The following ADAMTS6 variants were observed in gnomAD, a reference collection of about 807,000 sequenced individuals.
ADAMTS6 encodes the protein ADAM metallopeptidase with thrombospondin type 1 motif 6, also known as A disintegrin and metalloproteinase with thrombospondin motifs 6.
A neutral mutation model predicts 144.3 loss-of-function variants in ADAMTS6; 23 were observed. The ratio of observed to expected loss-of-function variants is 0.16; its 90% CI spans 0.11 to 0.23. The LOEUF (loss-of-function observed/expected upper bound fraction) is 0.23, where lower values mean the gene tolerates loss of function less well. Among genes scored for constraint, ADAMTS6 ranks in the 10% least tolerant of loss-of-function variants. The pLI, the probability that ADAMTS6 is intolerant of heterozygous loss-of-function variation, is 1.00. For synonymous variants in ADAMTS6, 444 were observed against 457.5 expected (o/e 0.97, Z 0.38); for missense variants, 999 against 1,379.6 (o/e 0.72, Z 4.37).
intron 1 of ADAMTS6, among the ~76,000 whole-genome samples, chr5:65,476,971 A>T (rs1760885864): frequency 6.6e-6 from 1 of 152,336 alleles, no homozygotes; most frequent in South Asian, 2.1e-4. Context: ...AACTTCACAT[A>T]CAGTCATTGT....
chr5:65,293,634 A>G, intron 10 of ADAMTS6, among the ~76,000 whole-genome samples: 1 of 152,118 alleles, frequency 6.6e-6, no homozygotes. Context: ...TGCTTCATCT[A>G]AAATTATTGT....
At position 65,452,912 on chromosome 5, in the gene ADAMTS6, G is replaced by C; in HGVS notation, c.638C>G (p.Thr213Arg). The C allele has an allele frequency of 1.2e-6, 2 of 1,613,186 alleles. No homozygotes were observed. The highest frequency in any genetic ancestry group is 1.7e-6 in the Non-Finnish European group (2 of 1,179,522). The part of the protein sequence containing the change: ...DHSHCGVSDF[T>R]RSGKPWWLND... ...CAGCCACCAAGGTTTGCCACTTCTT[G>C]TGAAATCTACAATAAAAGCAGCCAA... Residue 213 changes from threonine to arginine, a missense_variant, in exon 5 of 25, where the codon ACA (threonine) becomes AGA (arginine). Coordinates refer to ENST00000381055, the MANE Select transcript of ADAMTS6 (RefSeq NM_197941.4).
chr5:65,234,567 C>T (rs1482776951), intron 15 of ADAMTS6, among the ~76,000 whole-genome samples: 1 of 151,828 alleles, frequency 6.6e-6, no homozygotes, highest in Non-Finnish European at 1.5e-5. Flanking sequence ...TTACCTCACA[C>T]ATGTTAGGAT....
At chr5:65,257,964 C>T (rs1760833806) in intron 14 of ADAMTS6, among the ~76,000 whole-genome samples, 1 of 152,140 alleles carries the variant, frequency 6.6e-6, no homozygotes, top group Admixed American at 6.5e-5. Context: ...GTCTAATATA[C>T]AATAGGCATT....
In ADAMTS6 at chr5:65,188,046, T is replaced by A; in HGVS notation, c.2880A>T (p.Pro960=). 1 of 1,614,108 alleles carries A rather than the reference T, an allele frequency of 6.2e-7. No individual in the cohort carries two copies. The highest frequency in any genetic ancestry group is 8.5e-7 in the Non-Finnish European group (1 of 1,179,986). ...ACCAGTCCAAAGCCACCCACTGTGG[T>A]GGACATGACTGGTTGTTGCAGGGCT... ...EKEPCNNQSC[P]PQWVALDWSE... Residue 960 remains proline (P), a synonymous_variant, in exon 22 of 25, where the codon CCA becomes CCT. Coordinates refer to ENST00000381055, the MANE Select transcript of ADAMTS6 (RefSeq NM_197941.4).
rs529709913 is a variant in ADAMTS6, at chr5:65,382,382, A to G, written c.1074-48297T>C. ...ATGAAATATCTGATTTGAGCCCCAC[A>G]CTCTCCTGAAATACAAGTAATTGAA... On this transcript the variant is annotated intron_variant, in intron 7 of 24. Transcript: ENST00000381055. 1.9e-3 allele frequency among the ~76,000 whole-genome samples: 291 copies of G among 152,206 alleles called. 1 individual carries two copies. The highest frequency in any genetic ancestry group is 6.8e-3 in the African/African-American group (281 of 41,526).
At position 65,481,665 on chromosome 5, in the gene ADAMTS6, A is replaced by G. The variant is rs1761215283; in HGVS notation, c.-602T>C. Reference sequence around the variant, plus strand: ...CCCCACCCCCCAAAAAAGGAAAGGAAAAGAAAGAAAAGACGGGAAAAAAGA... The same window carrying G: ...CCCCACCCCCCAAAAAAGGAAAGGAGAAGAAAGAAAAGACGGGAAAAAAGA... On this transcript the variant is annotated 5_prime_UTR_variant, in exon 1 of 25. Transcript: ENST00000381055. 1 of 152,534 alleles carries G rather than the reference A, an allele frequency of 6.6e-6. No homozygotes were observed. The highest frequency in any genetic ancestry group is 1.5e-5 in the Non-Finnish European group (1 of 68,358). The allele number at this position is 152,534 out of a possible 1,614,324, so 9.4% of individuals were successfully genotyped here. A position where few individuals can be genotyped will look rare whatever the true frequency, so the allele number is the denominator to read the frequency against.
chr5:65,318,706 G>A (rs1745252527), intron 9 of ADAMTS6, among the ~76,000 whole-genome samples: 1 of 151,896 alleles, frequency 6.6e-6, no homozygotes. Context: ...GACATAGAGA[G>A]TAGAAGGATG....
chr5:65,196,478 G>A (rs182090330), intron 21 of ADAMTS6, among the ~76,000 whole-genome samples: 19 of 120,586 alleles, frequency 1.6e-4, no homozygotes, highest in South Asian at 2.7e-4. Flanking sequence ...AGCCGAGATC[G>A]CGCCACTGCA....
intron 11 of ADAMTS6, among the ~76,000 whole-genome samples, chr5:65,290,488 T>C (rs1030128047): frequency 5.9e-5 from 9 of 152,024 alleles, no homozygotes; most frequent in African/African-American, 2.2e-4. Context: ...GAGACAGAGG[T>C]TGCAGTGAGC....
intron 11 of ADAMTS6, among the ~76,000 whole-genome samples, chr5:65,286,392 TC>T (rs1741665367): frequency 6.6e-6 from 1 of 152,220 alleles, no homozygotes; most frequent in Admixed American, 6.5e-5. Flanking sequence ...CATTTATGGT[TC>T]AGGATATATG....
At chr5:65,294,725 G>C (rs1355731341) in intron 10 of ADAMTS6, among the ~76,000 whole-genome samples, 1 of 152,086 alleles carries the variant, frequency 6.6e-6, no homozygotes, top group African/African-American at 2.4e-5. Flanking sequence ...AGATACAGAG[G>C]TAGAAGACAT....
At chr5:65,379,142 T>G (rs1261549839) in intron 7 of ADAMTS6, among the ~76,000 whole-genome samples, 1 of 152,208 alleles carries the variant, frequency 6.6e-6, no homozygotes, top group Admixed American at 6.5e-5. Flanking sequence ...ATTTAATCCT[T>G]TGTTTTAGTC....
chr5:65,184,027 A>C (rs1754522626), intron 22 of ADAMTS6, among the ~76,000 whole-genome samples: 1 of 152,134 alleles, frequency 6.6e-6, no homozygotes, highest in Non-Finnish European at 1.5e-5. Flanking sequence ...ATTATTTCTC[A>C]TTATTTCTCC....
Position 65,240,395 on chromosome 5 carries a change from A to G in ADAMTS6, c.1933+1709T>C, listed in dbSNP as rs6880597. Among the ~76,000 whole-genome samples the G allele has an allele frequency of 1.1e-3, 173 of 152,318 alleles. 1 individual carries two copies. Among genetic ancestry groups the G allele is most frequent in the African/African-American group, 3.9e-3 (164 of 41,574 alleles). On this transcript the variant is annotated intron_variant, in intron 15 of 24. Transcript: ENST00000381055. The stretch of plus-strand genomic sequence containing the variant: ...CTAAACTATGGTGAGAAAAAAAGTC[A>G]GAATGATGGTTGTCTCTTAGGAGGA...
At chr5:65,217,426 C>T (rs1031228081) in intron 18 of ADAMTS6, among the ~76,000 whole-genome samples, 1 of 150,532 alleles carries the variant, frequency 6.6e-6, no homozygotes, top group African/African-American at 2.4e-5. Context: ...CTCTTGGCTG[C>T]TAGGAATATA....
At chr5:65,259,392 A>G (rs1417334871) in intron 14 of ADAMTS6, among the ~76,000 whole-genome samples, 1 of 151,832 alleles carries the variant, frequency 6.6e-6, no homozygotes, top group Non-Finnish European at 1.5e-5. Context: ...AAACAAACAA[A>G]CAAACAAACA....
At chr5:65,200,405 A>T (rs1010212326) in intron 20 of ADAMTS6, among the ~76,000 whole-genome samples, 1 of 152,228 alleles carries the variant, frequency 6.6e-6, no homozygotes, top group East Asian at 1.9e-4. Context: ...TATATGATCA[A>T]GCCTCTTGTA....
rs113697395 is a variant in ADAMTS6 at position 65,363,409 on chromosome 5, T to C, written c.1074-29324A>G. ...ACAAAAATTACACATCCCTTATGCATAGACTGAAAATAATGCTATGCTGGC... is the reference window on the plus strand; with the variant it reads ...ACAAAAATTACACATCCCTTATGCACAGACTGAAAATAATGCTATGCTGGC... On this transcript the variant is annotated intron_variant, in intron 7 of 24. Coordinates refer to ENST00000381055, the MANE Select transcript of ADAMTS6 (RefSeq NM_197941.4). Among the ~76,000 whole-genome samples the C allele has an allele frequency of 4.0e-3, 610 of 152,300 alleles. 9 individuals carry two copies. Among genetic ancestry groups the C allele is most frequent in the African/African-American group, 0.013 (542 of 41,572 alleles).
Sources: gnomAD v4.1 joint callset for allele counts (sites outside exome capture counted in the v4.1 genomes callset) on GRCh38, gnomAD v4.1.1 for gene constraint, MANE v1.5 for transcripts, NCBI Gene and HGNC (gene_info 2026-07-23, HGNC 2026-07-21) for gene names.